Variants in SLC35A3 observed in about 807,000 individuals in gnomAD.
The protein encoded by SLC35A3 is solute carrier family 35 member A3.
A neutral mutation model predicts 39.0 loss-of-function variants in SLC35A3; 26 were observed. The ratio of observed to expected loss-of-function variants is 0.67; its 90% confidence interval spans 0.49 to 0.92. The LOEUF (loss-of-function observed/expected upper bound fraction) is 0.92. SLC35A3 is among the 40% of genes least tolerant of loss of function. The probability of loss-of-function intolerance (pLI) is 0.00; values close to 1 mark genes in which losing one functional copy is unlikely to be tolerated. For missense variants in SLC35A3, 299 were observed against 371.6 expected, an observed-to-expected ratio of 0.80 and a Z score of 1.61; for synonymous variants, 135 against 133.1, an observed-to-expected ratio of 1.01 and a Z score of -0.10.
chr1:99,972,331 C>CTTTTTT (rs761559206), intron 1 of SLC35A3, among the ~76,000 whole-genome samples: 1 of 132,014 alleles, frequency 7.6e-6, no homozygotes, highest in African/African-American at 2.9e-5. Flanking sequence ...GTACTTACTA[C>CTTTTTT]TTTTTTTTTT....
Position 100,024,431 on chromosome 1 carries a change from G to T in SLC35A3, c.*1955G>T, listed in dbSNP as rs1336379417. ...CTGGGCATGGTGGTGCGCGCCTGTA[G>T]TCCCAGCTACTCAGGAGGCTGAGGC... On this transcript the variant is annotated 3_prime_UTR_variant, in exon 8 of 8. Coordinates refer to ENST00000533028, the MANE Select transcript of SLC35A3 (RefSeq NM_012243.3). 2 of 151,144 alleles carry T rather than the reference G, an allele frequency of 1.3e-5. No homozygotes were observed. The highest frequency in any genetic ancestry group is 4.9e-5 in the African/African-American group (2 of 41,140). 9.4% of individuals were successfully genotyped at this position (151,144 alleles called of 1,614,324 possible).
At chr1:100,000,757 G>A (rs1658720793) in intron 3 of SLC35A3, 1 of 152,084 alleles carries the variant, frequency 6.6e-6, no homozygotes, top group Non-Finnish European at 1.5e-5. Flanking sequence ...CTGTGCTTTT[G>A]AAATAACAGC....
chr1:99,997,784 CT>C (rs1235174457), intron 2 of SLC35A3, among the ~76,000 whole-genome samples: 1 of 151,896 alleles, frequency 6.6e-6, no homozygotes, highest in Non-Finnish European at 1.5e-5. Context: ...AGAGAGAATC[CT>C]GCTATCTCTT....
In SLC35A3 at chr1:100,034,693, A is replaced by G. The variant is rs892633677; in HGVS notation, c.*12217A>G. The G allele has an allele frequency of 1.4e-5, 2 of 144,670 alleles. No individual in the cohort carries two copies. Among genetic ancestry groups the G allele is most frequent in the African/African-American group, 5.0e-5 (2 of 40,114 alleles). The allele number at this position is 144,670 out of a possible 1,614,324, so 9.0% of individuals were successfully genotyped here. On this transcript the variant is annotated 3_prime_UTR_variant, in exon 8 of 8. Coordinates refer to ENST00000533028, the MANE Select transcript of SLC35A3 (RefSeq NM_012243.3). ...TTAAAGAGGACCCTCTTCTGTTAGC[A>G]TGGTGAAGTGCAGTTTCTTTAATAA...
chr1:99,973,532 A>G (rs1041462246), intron 1 of SLC35A3, among the ~76,000 whole-genome samples: 1 of 152,226 alleles, frequency 6.6e-6, no homozygotes, highest in Admixed American at 6.5e-5. Flanking sequence ...TTTAGAAGCT[A>G]CAATGTTGCT....
intron 5 of SLC35A3, among the ~76,000 whole-genome samples, chr1:100,013,318 T>A (rs980445975): frequency 1.9e-4 from 29 of 150,824 alleles, no homozygotes; most frequent in East Asian, 1.8e-3. Flanking sequence ...TTCTTAAAAA[T>A]ATATATATAT....
At chr1:100,005,539 T>C (rs1396432878) in intron 3 of SLC35A3, among the ~76,000 whole-genome samples, 1 of 152,174 alleles carries the variant, frequency 6.6e-6, no homozygotes, top group Non-Finnish European at 1.5e-5. Flanking sequence ...TTTCATTCTT[T>C]TTTCTCTTTT....
chr1:100,006,519 G>T (rs780747707), intron 3 of SLC35A3, among the ~76,000 whole-genome samples: 8 of 152,122 alleles, frequency 5.3e-5, no homozygotes, highest in African/African-American at 9.7e-5. Flanking sequence ...TTGTGTGCAT[G>T]GGTGGGTGCC....
chr1:99,997,059 C>G (rs2101164934), intron 2 of SLC35A3, among the ~76,000 whole-genome samples: 1 of 151,948 alleles, frequency 6.6e-6, no homozygotes, highest in Middle Eastern at 3.4e-3. Flanking sequence ...GTATATATCT[C>G]TAAAGGATCT....
chr1:99,981,773 A>G (rs1657462781), intron 1 of SLC35A3, among the ~76,000 whole-genome samples: 2 of 151,416 alleles, frequency 1.3e-5, no homozygotes, highest in Admixed American at 1.3e-4. Context: ...GAGCCACTGC[A>G]CCCAGCCTGT....
At chr1:99,972,331 CTTTT>C (rs761559206) in intron 1 of SLC35A3, among the ~76,000 whole-genome samples, 1,918 of 131,984 alleles carry the variant, frequency 0.015, 16 homozygotes, top group Middle Eastern at 0.067. Flanking sequence ...GTACTTACTA[CTTTT>C]TTTTTTTTTT....
chr1:99,997,722 A>G (rs1658508216), intron 2 of SLC35A3, among the ~76,000 whole-genome samples: 1 of 151,212 alleles, frequency 6.6e-6, no homozygotes, highest in Non-Finnish European at 1.5e-5. Context: ...TTAATAATTT[A>G]CAATATGAAG....
At chr1:100,010,998 A>G (rs1415463016) in intron 4 of SLC35A3, among the ~76,000 whole-genome samples, 2 of 152,070 alleles carry the variant, frequency 1.3e-5, no homozygotes, top group African/African-American at 2.4e-5. Flanking sequence ...GCTGATCTCT[A>G]CTTTTGCTGA....
chr1:99,975,341 G>C (rs935761996), intron 1 of SLC35A3, among the ~76,000 whole-genome samples: 1 of 152,188 alleles, frequency 6.6e-6, no homozygotes, highest in Non-Finnish European at 1.5e-5. Flanking sequence ...ATTCAACATA[G>C]AGTAAATGCT....
intron 1 of SLC35A3, among the ~76,000 whole-genome samples, chr1:99,988,436 T>C (rs1657875797): frequency 6.6e-6 from 1 of 152,210 alleles, no homozygotes; most frequent in African/African-American, 2.4e-5. Context: ...CAAATATTGA[T>C]GGGCATTTGG....
chr1:100,009,107 G>C (rs879767561), intron 4 of SLC35A3: 2 of 152,082 alleles, frequency 1.3e-5, no homozygotes, highest in Non-Finnish European at 2.9e-5. Context: ...GTGCCCACTT[G>C]GTACTTATCT....
chr1:99,980,384 C>G lies in SLC35A3; in HGVS notation c.-19+10222C>G, dbSNP rs150427852. 5.9e-3 allele frequency among the ~76,000 whole-genome samples: 901 copies of G among 152,202 alleles called. 8 individuals carry two copies. Among genetic ancestry groups the G allele is most frequent in the African/African-American group, 0.02 (819 of 41,516 alleles). ...GGAGTAAGTTCATTTTTACATGGCA[C>G]CACACATTGAAAGGAGATCTTAGAG... On this transcript the variant is annotated intron_variant, in intron 1 of 7. Coordinates refer to ENST00000533028, the MANE Select transcript of SLC35A3 (RefSeq NM_012243.3).
At chr1:99,993,824 T>G in intron 2 of SLC35A3, 83 bp downstream of exon 2, 1 of 1,239,964 alleles carries the variant, frequency 8.1e-7, no homozygotes, top group Non-Finnish European at 1.2e-6. Flanking sequence ...ATTTGCACTC[T>G]TGCATTGTCG....
chr1:100,013,052 A>G (rs1238939304), intron 5 of SLC35A3, among the ~76,000 whole-genome samples: 1 of 152,224 alleles, frequency 6.6e-6, no homozygotes, highest in African/African-American at 2.4e-5. Flanking sequence ...ATGCTGATAC[A>G]TACATATTTG....
Sources: gnomAD v4.1 joint callset for allele counts (sites outside exome capture counted in the v4.1 genomes callset) on GRCh38, gnomAD v4.1.1 for gene constraint, MANE v1.5 for transcripts, NCBI Gene and HGNC (gene_info 2026-07-23, HGNC 2026-07-21) for gene names.